The following TTF2 variants were observed in gnomAD, a reference collection of about 807,000 sequenced individuals.
TTF2 encodes the protein transcription termination factor 2, also known as RNA polymerase II termination factor.
In TTF2, 108 loss-of-function variants were observed where a neutral mutation model predicts 142.4. That is an observed-to-expected ratio of 0.76 (90% CI 0.65 to 0.89). The LOEUF (loss-of-function observed/expected upper bound fraction) is 0.89. TTF2 is among the 40% of genes least tolerant of loss of function. TTF2 has a pLI of 0.00. For missense variants in TTF2, 1,327 were observed against 1,379.8 expected, an observed-to-expected ratio of 0.96 and a Z score of 0.61; for synonymous variants, 483 against 506.2, an observed-to-expected ratio of 0.95 and a Z score of 0.61.
rs151144039 is a variant in TTF2, at chr1:117,093,064, T to G, written c.2976+163T>G. Among the ~76,000 whole-genome samples the G allele has an allele frequency of 2.9e-3, 448 of 152,316 alleles. 2 individuals carry two copies. The highest frequency in any genetic ancestry group is 0.01 in the African/African-American group (418 of 41,566). ...TTCTCCCTCCAGTCTTAAAGCTTCA[T>G]TTATTTCACAGATAACACTAAAGCC... On this transcript the variant is annotated intron_variant, in intron 18 of 22. Transcript: ENST00000369466. The surrounding 1 kb of genome is among the most constrained non-coding windows in gnomAD (Gnocchi z 4.5).
intron 13 of TTF2, among the ~76,000 whole-genome samples, chr1:117,089,501 G>A (rs923926109): frequency 6.6e-6 from 1 of 151,788 alleles, no homozygotes; most frequent in Non-Finnish European, 1.5e-5. Flanking sequence ...TTAGCCAGGG[G>A]AGTAAAATGA....
At chr1:117,066,438 G>A (rs113745773) in intron 3 of TTF2, among the ~76,000 whole-genome samples, 4 of 152,228 alleles carry the variant, frequency 2.6e-5, no homozygotes, top group Non-Finnish European at 2.9e-5. Context: ...GCATATAAAC[G>A]TGTTCCTTCC....
In TTF2 at chr1:117,072,422, C is replaced by CTTTT. The variant is rs34927356; in HGVS notation, c.219-1221_219-1218dup. ...AGTATGTAGCTTTAAAAGATACGGA[C>CTTTT]TTTTTTTTTTTTTTTTTTTTTGAGA... is the stretch of plus-strand genomic sequence containing the variant. On this transcript the variant is annotated intron_variant, in intron 3 of 22. Coordinates refer to ENST00000369466, the MANE Select transcript of TTF2 (RefSeq NM_003594.4). 1.4e-3 allele frequency among the ~76,000 whole-genome samples: 144 copies of CTTTT among 102,022 alleles called. 3 individuals carry two copies. Among genetic ancestry groups the CTTTT allele is most frequent in the African/African-American group, 2.9e-3 (71 of 24,278 alleles). The allele number at this position is 102,022 out of a possible 152,430, so 66.9% of individuals were successfully genotyped here.
At chr1:117,089,363 T>A (rs1648366903) in intron 13 of TTF2, among the ~76,000 whole-genome samples, 1 of 151,730 alleles carries the variant, frequency 6.6e-6, no homozygotes, top group East Asian at 1.9e-4. Flanking sequence ...ACAATTTATT[T>A]GAAGCAAACA....
At chr1:117,078,079 G>T in intron 8 of TTF2, 36 bp downstream of exon 8, 2 of 1,599,754 alleles carry the variant, frequency 1.3e-6, no homozygotes. Flanking sequence ...AGTCCTCTAT[G>T]ACAGTGCTCC....
rs941547141 is a variant in TTF2, at chr1:117,106,061, G to A, written c.*4537G>A. 1 of 152,180 alleles carries A rather than the reference G, an allele frequency of 6.6e-6. No individual in the cohort carries two copies. Among genetic ancestry groups the A allele is most frequent in the African/African-American group, 2.4e-5 (1 of 41,430 alleles). 9.4% of individuals were successfully genotyped at this position (152,180 alleles called of 1,614,324 possible). On this transcript the variant is annotated 3_prime_UTR_variant, in exon 23 of 23. Coordinates refer to ENST00000369466, the MANE Select transcript of TTF2 (RefSeq NM_003594.4). ...AATTAGGTTTCCAAAGTGGGATATT[G>A]TGCTGCTGTTTGTGATATAGCATCT...
At position 117,073,168 on chromosome 1, in the gene TTF2, T is replaced by G. The variant is rs1656730975; in HGVS notation, c.219-493T>G. Reference sequence around the variant, plus strand: ...TGCCAAGATTTTGAAGGTTATATTCTCCACAGTATAGTTTTACGCCTTCTT... The same window carrying G: ...TGCCAAGATTTTGAAGGTTATATTCGCCACAGTATAGTTTTACGCCTTCTT... On this transcript the variant is annotated intron_variant, in intron 3 of 22. Transcript: ENST00000369466. The surrounding 1 kb of genome is among the most constrained non-coding windows in gnomAD (Gnocchi z 4.4). 6.6e-6 allele frequency among the ~76,000 whole-genome samples: 1 copy of G among 152,256 alleles called. No homozygotes were observed. The highest frequency in any genetic ancestry group is 6.5e-5 in the Admixed American group (1 of 15,290).
chr1:117,084,121 AAG>A lies in TTF2; in HGVS notation c.2010_2011del (p.Arg670SerfsTer20). 6.2e-7 allele frequency: 1 copy of A among 1,614,162 alleles called. No individual in the cohort carries two copies. Among genetic ancestry groups the A allele is most frequent in the Non-Finnish European group, 8.5e-7 (1 of 1,180,034 alleles). On this transcript the variant is annotated frameshift_variant, in exon 11 of 23. Coordinates refer to ENST00000369466, the MANE Select transcript of TTF2 (RefSeq NM_003594.4). LOFTEE classifies it high-confidence loss of function. ...AGAAACGGGTGAACAGCAACAAACTAAGAGTCTATCTCTACCATGGGCCAAAC... is the reference window on the plus strand; with the variant it reads ...AGAAACGGGTGAACAGCAACAAACTAAGTCTATCTCTACCATGGGCCAAAC... ...VEKRVNSNKL[R>X]VYLYHGPNRD...
chr1:117,065,988 C>CT (rs544726052), intron 3 of TTF2, among the ~76,000 whole-genome samples: 7,483 of 97,752 alleles, frequency 0.077, 1,450 homozygotes, highest in African/African-American at 0.21. Context: ...CACTATATAC[C>CT]TTTTTTTTTT....
chr1:117,061,976 G>A (rs1047726744), intron 2 of TTF2, among the ~76,000 whole-genome samples: 5 of 152,182 alleles, frequency 3.3e-5, no homozygotes, highest in African/African-American at 4.8e-5. Context: ...CATATAGGGC[G>A]TATTGTTAGA....
At chr1:117,094,684 A>T (rs374560287) in intron 18 of TTF2, 57 of 484,504 alleles carry the variant, frequency 1.2e-4, no homozygotes, top group African/African-American at 9.2e-4. Flanking sequence ...GTGTGTACTC[A>T]CAGCCCCTCA....
At position 117,104,988 on chromosome 1, in the gene TTF2, C is replaced by T. The variant is rs1649840957; in HGVS notation, c.*3464C>T. The T allele has an allele frequency of 6.6e-6, 1 of 152,218 alleles. No individual in the cohort carries two copies. Among genetic ancestry groups the T allele is most frequent in the Admixed American group, 6.5e-5 (1 of 15,282 alleles). 9.4% of individuals were successfully genotyped at this position (152,218 alleles called of 1,614,324 possible). On this transcript the variant is annotated 3_prime_UTR_variant, in exon 23 of 23. Coordinates refer to ENST00000369466, the MANE Select transcript of TTF2 (RefSeq NM_003594.4). ...TCTAGCGATGGGCAGCATCCCACAA[C>T]ACAGTGGTCTAATTGAGGTGCTGCA...
intron 2 of TTF2, among the ~76,000 whole-genome samples, chr1:117,061,911 A>AT (rs2101249645): frequency 6.6e-6 from 1 of 152,310 alleles, no homozygotes; most frequent in African/African-American, 2.4e-5. Context: ...ATATATTTAA[A>AT]TTTTTTCATA....
intron 16 of TTF2, 34 bp from the exon 17 acceptor site, chr1:117,091,783 G>A: frequency 6.2e-7 from 1 of 1,604,818 alleles, no homozygotes. Context: ...TTTAAATCCT[G>A]TACCATCCTG....
At position 117,060,332 on chromosome 1, in the gene TTF2, G is replaced by T. The variant is rs200495096; in HGVS notation, c.-15G>T. 4.6e-5 allele frequency: 74 copies of T among 1,595,432 alleles called. No homozygotes were observed. Among genetic ancestry groups the T allele is most frequent in the Middle Eastern group, 1.7e-4 (1 of 5,950 alleles). On this transcript the variant is annotated 5_prime_UTR_variant, in exon 1 of 23. Coordinates refer to ENST00000369466, the MANE Select transcript of TTF2 (RefSeq NM_003594.4). ...TTGGGGGCGGGGCTTTGTGGAACTT[G>T]GGGGACCCAGCGAAATGGAAGAAGT... is the stretch of plus-strand genomic sequence containing the variant.
chr1:117,094,367 G>A (rs1648899176), intron 18 of TTF2, among the ~76,000 whole-genome samples: 2 of 152,128 alleles, frequency 1.3e-5, no homozygotes, highest in Admixed American at 1.3e-4. Flanking sequence ...CAGCATTCTG[G>A]GGGTGAACTC....
chr1:117,088,851 T>C lies in TTF2; in HGVS notation c.2211T>C (p.Asp737=). 6.2e-7 allele frequency: 1 copy of C among 1,614,202 alleles called. No homozygotes were observed. The highest frequency in any genetic ancestry group is 8.5e-7 in the Non-Finnish European group (1 of 1,180,022). Residue 737 remains aspartate, a synonymous_variant, in exon 13 of 23, where the codon GAT becomes GAC. Transcript: ENST00000369466. ...TAGCCTGGGCTCGAATCATATTGGA[T>C]GAAGCTCACAATGTTAAGAATCCCC... ...LRIAWARIIL[D]EAHNVKNPRV... is the part of the protein sequence containing the mutation.
Position 117,070,927 on chromosome 1 carries a change from A to G in TTF2, c.219-2734A>G, listed in dbSNP as rs1250344096. 6.6e-6 allele frequency among the ~76,000 whole-genome samples: 1 copy of G among 152,174 alleles called. No homozygotes were observed. Among genetic ancestry groups the G allele is most frequent in the African/African-American group, 2.4e-5 (1 of 41,438 alleles). On this transcript the variant is annotated intron_variant, in intron 3 of 22. Coordinates refer to ENST00000369466, the MANE Select transcript of TTF2 (RefSeq NM_003594.4). This position sits in a 1 kb window ranked among gnomAD's most constrained non-coding sequence, Gnocchi z 4.2. The stretch of plus-strand genomic sequence containing the variant: ...GACCAGGACCTGCTCAGGACCCCTG[A>G]ATTAGGATGCAGACTGTTGTGATTC...
chr1:117,086,247 ATGTGTGTGTG>A lies in TTF2; in HGVS notation c.2055-155_2055-146del, dbSNP rs3831091. Among the ~76,000 whole-genome samples, 1 of 148,890 alleles carries A rather than the reference ATGTGTGTGTG, an allele frequency of 6.7e-6. No homozygotes were observed. The highest frequency in any genetic ancestry group is 2.0e-4 in the East Asian group (1 of 5,050). On this transcript the variant is annotated intron_variant, in intron 11 of 22. Transcript: ENST00000369466. The surrounding 1 kb of genome is among the most constrained non-coding windows in gnomAD (Gnocchi z 4.2). ...CAAGTGGGTAAAATTTACCTCCAAAATGTGTGTGTGTGTGTGTGTGTGTGCGTGTGTGTGT... is the reference window on the plus strand; with the variant it reads ...CAAGTGGGTAAAATTTACCTCCAAAATGTGTGTGTGTGTGCGTGTGTGTGT...
Sources: allele counts gnomAD v4.1 joint callset (sites outside exome capture counted in the v4.1 genomes callset), GRCh38; gene constraint gnomAD v4.1.1; non-coding constraint Gnocchi (gnomAD v3.1); transcripts MANE v1.5; gene names NCBI Gene and HGNC (gene_info 2026-07-23, HGNC 2026-07-21).